Variants in MGST2 observed in about 807,000 individuals in gnomAD.
MGST2 encodes the protein glutathione peroxidase MGST2.
Under a neutral mutation model 16.6 loss-of-function variants are expected in MGST2, and 9 were observed. The observed-to-expected ratio is 0.54, with a 90% CI of 0.33 to 0.95. The LOEUF (loss-of-function observed/expected upper bound fraction) is 0.95, where lower values mean the gene tolerates loss of function less well. Ranked by LOEUF, MGST2 falls within the 40% of genes least tolerant of loss-of-function variation. The pLI, the probability that MGST2 is intolerant of heterozygous loss-of-function variation, is 0.03. For synonymous variants in MGST2, 79 were observed against 68.0 expected (o/e 1.16, Z -0.79); for missense variants, 159 against 175.1 (o/e 0.91, Z 0.52).
At chr4:139,720,886 C>T (rs963690646) in intron 5 of MGST2, among the ~76,000 whole-genome samples, 1 of 152,204 alleles carries the variant, frequency 6.6e-6, no homozygotes, top group African/African-American at 2.4e-5. Flanking sequence ...GACCATTAGA[C>T]TAATTTCCCT....
chr4:139,733,149 T>C (rs1258153411), intron 5 of MGST2, among the ~76,000 whole-genome samples: 2 of 152,210 alleles, frequency 1.3e-5, no homozygotes, highest in African/African-American at 4.8e-5. Context: ...GCTTTACACT[T>C]TAACAAATGA....
intron 5 of MGST2, among the ~76,000 whole-genome samples, chr4:139,711,212 A>G (rs1727728939): frequency 6.6e-6 from 1 of 151,912 alleles, no homozygotes; most frequent in Non-Finnish European, 1.5e-5. Flanking sequence ...GGGTTTCGCC[A>G]TGTTGCCCAG....
intron 5 of MGST2, among the ~76,000 whole-genome samples, chr4:139,723,008 C>G (rs868705196): frequency 1.3e-5 from 2 of 152,228 alleles, no homozygotes; most frequent in Middle Eastern, 3.2e-3. Context: ...ATAGAAAATG[C>G]AAAGTGATCA....
At chr4:139,687,892 C>T (rs566987467) in intron 2 of MGST2, among the ~76,000 whole-genome samples, 30 of 152,200 alleles carry the variant, frequency 2.0e-4, no homozygotes, top group African/African-American at 7.2e-4. Context: ...CCGTCTTTTG[C>T]CAGAATACAT....
intron 5 of MGST2, among the ~76,000 whole-genome samples, chr4:139,726,465 A>C (rs1471503586): frequency 2.0e-5 from 3 of 152,170 alleles, no homozygotes; most frequent in Non-Finnish European, 2.9e-5. Flanking sequence ...CTCATGAGGA[A>C]TGCGTGCTGA....
At chr4:139,693,174 T>TTGGGAGGCCGAGG (rs1726710927) in intron 2 of MGST2, among the ~76,000 whole-genome samples, 1 of 152,074 alleles carries the variant, frequency 6.6e-6, no homozygotes, top group South Asian at 2.1e-4. Flanking sequence ...TCCCAGCACT[T>TTGGGAGGCCGAGG]TGGGAGGCCG....
intron 5 of MGST2, among the ~76,000 whole-genome samples, chr4:139,726,812 C>T (rs1160298807): frequency 1.3e-5 from 2 of 152,130 alleles, no homozygotes; most frequent in Non-Finnish European, 2.9e-5. Flanking sequence ...GTGTTGCTAC[C>T]AATATGCTGG....
At chr4:139,683,805 G>GGGA (rs1343700242) in intron 2 of MGST2, among the ~76,000 whole-genome samples, 1 of 152,110 alleles carries the variant, frequency 6.6e-6, no homozygotes, top group Non-Finnish European at 1.5e-5. Flanking sequence ...CATGTGGTTG[G>GGGA]GGAAGCCTCA....
chr4:139,706,884 G>A (rs1727539108), downstream of MGST2, among the ~76,000 whole-genome samples: 3 of 152,008 alleles, frequency 2.0e-5, no homozygotes, highest in Admixed American at 2.0e-4. Flanking sequence ...ACAGAGATGT[G>A]GGTTTCTGAT....
chr4:139,696,811 TG>T (rs1726948029), intron 3 of MGST2, among the ~76,000 whole-genome samples: 1 of 152,230 alleles, frequency 6.6e-6, no homozygotes, highest in Non-Finnish European at 1.5e-5. Context: ...GCATTCATAA[TG>T]CTGTTTCTAT....
intron 5 of MGST2, among the ~76,000 whole-genome samples, chr4:139,710,026 G>C (rs1727678297): frequency 1.3e-5 from 2 of 152,198 alleles, no homozygotes; most frequent in Admixed American, 1.3e-4. Flanking sequence ...AAAATTAAAA[G>C]GTAAAGACTG....
At chr4:139,710,389 G>A (rs775406690) in intron 5 of MGST2, among the ~76,000 whole-genome samples, 8 of 152,226 alleles carry the variant, frequency 5.3e-5, no homozygotes, top group Non-Finnish European at 1.0e-4. Flanking sequence ...AAGATTACAT[G>A]TAAGAACTCA....
chr4:139,705,653 A>T, downstream of MGST2: 1 of 21,766 alleles, frequency 4.6e-5, no homozygotes, highest in South Asian at 3.0e-3. Context: ...AGGAAGAAGT[A>T]AAAAAAGGAT....
At chr4:139,694,211 A>G (rs1358085324) in intron 2 of MGST2, among the ~76,000 whole-genome samples, 1 of 151,974 alleles carries the variant, frequency 6.6e-6, no homozygotes, top group Non-Finnish European at 1.5e-5. Context: ...TTCAGAGAAA[A>G]AAGATCACTT....
At chr4:139,711,989 G>A (rs1560761226) in intron 5 of MGST2, among the ~76,000 whole-genome samples, 2 of 152,166 alleles carry the variant, frequency 1.3e-5, no homozygotes, top group Non-Finnish European at 2.9e-5. Context: ...CATGACTCTT[G>A]AGTTTTGACA....
At chr4:139,709,071 ATTTTTTTTTT>A (rs377191495), downstream of MGST2, among the ~76,000 whole-genome samples, 88 of 82,030 alleles carry the variant, frequency 1.1e-3, 1 homozygote, top group East Asian at 0.023. Context: ...AATGGAAAAA[ATTTTTTTTTT>A]TTTTTTTTTT....
rs1311397900 is a variant in MGST2 at position 139,735,433 on chromosome 4, G to T, written c.*49-4779G>T. On this transcript the variant is annotated intron_variant, in intron 5 of 5. Coordinates refer to the MGST2 transcript ENST00000616265. The surrounding 1 kb of genome is among the most constrained non-coding windows in gnomAD (Gnocchi z 5.8). Reference sequence around the variant, plus strand: ...GAAGGGGACGTGGAGGGAAACGGAAGGGCTGGGAGTGGGGTAGGGGGGCAG... The same window carrying T: ...GAAGGGGACGTGGAGGGAAACGGAATGGCTGGGAGTGGGGTAGGGGGGCAG... 6.6e-6 allele frequency among the ~76,000 whole-genome samples: 1 copy of T among 151,814 alleles called. No homozygotes were observed. The highest frequency in any genetic ancestry group is 2.1e-4 in the South Asian group (1 of 4,810).
intron 3 of MGST2, 124 bp from the exon 4 acceptor site, chr4:139,703,331 A>G (rs1472518237): frequency 2.4e-6 from 2 of 817,378 alleles, no homozygotes; most frequent in East Asian, 5.2e-5. Flanking sequence ...TTCTCTCTAT[A>G]TTCTGAATAT....
intron 5 of MGST2, among the ~76,000 whole-genome samples, chr4:139,739,491 C>T (rs1729077657): frequency 6.6e-6 from 1 of 152,148 alleles, no homozygotes; most frequent in African/African-American, 2.4e-5. Flanking sequence ...ATTAATTCCA[C>T]CACCAAAGCA....
Sources: allele counts gnomAD v4.1 joint callset (sites outside exome capture counted in the v4.1 genomes callset), GRCh38; gene constraint gnomAD v4.1.1; non-coding constraint Gnocchi (gnomAD v3.1); transcripts MANE v1.5; gene names NCBI Gene and HGNC (gene_info 2026-07-23, HGNC 2026-07-21).